The following ABCB7 variants were observed in gnomAD, a reference collection of about 807,000 sequenced individuals.
The protein encoded by ABCB7 is iron-sulfur clusters transporter ABCB7, mitochondrial.
In ABCB7, 7 loss-of-function variants were observed where a neutral mutation model predicts 54.4. The ratio of observed to expected loss-of-function variants is 0.13; its 90% CI spans 0.07 to 0.24. The LOEUF (loss-of-function observed/expected upper bound fraction) is 0.24, where lower values mean the gene tolerates loss of function less well. Among genes scored for constraint, ABCB7 ranks in the 10% least tolerant of loss-of-function variants. The pLI is 1.00. For missense variants in ABCB7, 356 were observed against 570.4 expected, an observed-to-expected ratio of 0.62 and a Z score of 3.83; for synonymous variants, 218 against 207.1, an observed-to-expected ratio of 1.05 and a Z score of -0.45.
intron 4 of ABCB7, among the ~76,000 whole-genome samples, chrX:75,082,807 T>G (rs1238814744): frequency 9.0e-6 from 1 of 111,161 alleles, no homozygotes. Context: ...GAGTAACCAC[T>G]ACAAAATTAT....
chrX:75,118,398 C>CTT (rs547804880), intron 1 of ABCB7, among the ~76,000 whole-genome samples: 32 of 98,372 alleles, frequency 3.3e-4, no homozygotes, highest in Non-Finnish European at 5.6e-4. Context: ...TTTAAAAGGC[C>CTT]TTTTTTTTTT....
rs60629909 is a variant in ABCB7, at chrX:75,146,373, G to C, written c.168+9732C>G. On this transcript the variant is annotated intron_variant, in intron 1 of 15. Coordinates refer to ENST00000373394, the MANE Select transcript of ABCB7 (RefSeq NM_001271696.3). ...ATCCAAATAGCCAAGGCAATCCTAAGAAAAAAGAATGAAGCTGGAGGTATC... is the reference window on the plus strand; with the variant it reads ...ATCCAAATAGCCAAGGCAATCCTAACAAAAAAGAATGAAGCTGGAGGTATC... Among the ~76,000 whole-genome samples the C allele has an allele frequency of 9.1e-3, 1,015 of 111,749 alleles. 18 individuals carry two copies. The highest frequency in any genetic ancestry group is 0.031 in the African/African-American group (946 of 30,798).
At chrX:75,112,838 G>T in intron 3 of ABCB7, 48 bp downstream of exon 3, 2 of 998,665 alleles carry the variant, frequency 2.0e-6, no homozygotes, top group Non-Finnish European at 2.8e-6. Flanking sequence ...TATCTTCTGT[G>T]CAAGGACAAT....
intron 4 of ABCB7, among the ~76,000 whole-genome samples, chrX:75,082,067 T>C (rs2081460131): frequency 3.6e-5 from 4 of 110,985 alleles, no homozygotes; most frequent in Admixed American, 9.6e-5. Flanking sequence ...TTTCCCAAAT[T>C]CGGCAAAAGA....
chrX:75,102,829 C>G (rs2081651303), intron 3 of ABCB7, among the ~76,000 whole-genome samples: 1 of 110,626 alleles, frequency 9.0e-6, no homozygotes, highest in Non-Finnish European at 1.9e-5. Flanking sequence ...TATTTTTTGT[C>G]TTTTTATTCA....
intron 1 of ABCB7, among the ~76,000 whole-genome samples, chrX:75,126,974 G>A (rs953673745): frequency 2.7e-5 from 3 of 111,187 alleles, no homozygotes; most frequent in Admixed American, 1.9e-4. Context: ...AATTCTACCC[G>A]AGGTACAAAG....
intron 1 of ABCB7, among the ~76,000 whole-genome samples, chrX:75,146,358 C>T (rs1227857702): frequency 2.7e-5 from 3 of 111,824 alleles, no homozygotes; most frequent in Non-Finnish European, 5.6e-5. Context: ...ATCCAAATAG[C>T]CAAGGCAATC....
In ABCB7 at chrX:75,060,009, T is replaced by C. The variant is rs147195481; in HGVS notation, c.2043+214A>G. On this transcript the variant is annotated intron_variant, in intron 15 of 15. Coordinates refer to ENST00000373394, the MANE Select transcript of ABCB7 (RefSeq NM_001271696.3). ...AGATTTAATGCTTTCCTGATTAAAC[T>C]TTTGCTTATAATACTTTAATAAAGA... Among the ~76,000 whole-genome samples the C allele has an allele frequency of 0.029, 3,215 of 112,054 alleles. 116 individuals carry two copies. The highest frequency in any genetic ancestry group is 0.1 in the African/African-American group (3,080 of 30,839).
In ABCB7 at chrX:75,069,029, C is replaced by T. The variant is rs143070182; in HGVS notation, c.1637G>A (p.Arg546Lys). ...TACCTGAGGTACCACTCCCACTGCC[C>T]TCCGAAGGCTTTCCAGGCTCACATC... ...IQDVSLESLR[R>K]AVGVVPQDAV... The change falls in exon 12 of 16, where the codon AGG becomes AAG. Residue 546 changes from arginine to lysine, a missense_variant. Physicochemically the swap from Arg to Lys is conservative, Grantham distance 26. Around this residue, in one of 2 missense-constraint regions of ABCB7, gnomAD observed 241 missense variants for 470.9 expected, o/e 0.51. Transcript: ENST00000373394. 45 of 1,208,874 alleles carry T rather than the reference C, an allele frequency of 3.7e-5. No individual in the cohort carries two copies. In the African/African-American group the frequency reaches 7.7e-4, roughly 21 times the overall value.
chrX:75,077,404 A>C (rs1452689559), intron 4 of ABCB7, among the ~76,000 whole-genome samples: 1 of 112,393 alleles, frequency 8.9e-6, no homozygotes, highest in Admixed American at 9.5e-5. Context: ...CATATATTCA[A>C]GGCAAATGTT....
chrX:75,076,297 T>A (rs911731505), intron 5 of ABCB7, among the ~76,000 whole-genome samples: 1 of 112,704 alleles, frequency 8.9e-6, no homozygotes, highest in Non-Finnish European at 1.9e-5. Context: ...TTATTTTATA[T>A]TATTGTTTTC....
chrX:75,111,904 A>G (rs2081763636), intron 3 of ABCB7, among the ~76,000 whole-genome samples: 1 of 112,038 alleles, frequency 8.9e-6, no homozygotes, highest in Non-Finnish European at 1.9e-5. Flanking sequence ...AAACTGGCAA[A>G]TATCATACCA....
At chrX:75,059,223 C>A (rs2081263461) in intron 15 of ABCB7, among the ~76,000 whole-genome samples, 1 of 110,749 alleles carries the variant, frequency 9.0e-6, no homozygotes, top group African/African-American at 3.3e-5. Flanking sequence ...CGCCTGTAAT[C>A]CCAGCGCACT....
chrX:75,085,773 T>C (rs970173673), intron 4 of ABCB7, among the ~76,000 whole-genome samples: 1 of 111,211 alleles, frequency 9.0e-6, no homozygotes, highest in Non-Finnish European at 1.9e-5. Flanking sequence ...TACAAGATTG[T>C]AATCTTGTGA....
At chrX:75,094,441 G>A (rs1219262041) in intron 4 of ABCB7, among the ~76,000 whole-genome samples, 2 of 112,019 alleles carry the variant, frequency 1.8e-5, no homozygotes, top group African/African-American at 6.5e-5. Flanking sequence ...GGCCGGGAGT[G>A]GTGGCTCATG....
At chrX:75,139,977 T>A (rs1034777827) in intron 1 of ABCB7, among the ~76,000 whole-genome samples, 1 of 111,634 alleles carries the variant, frequency 9.0e-6, no homozygotes, top group African/African-American at 3.3e-5. Flanking sequence ...TTAAGACACA[T>A]ATGACCAAAG....
At chrX:75,115,939 A>T (rs1242635447) in intron 1 of ABCB7, among the ~76,000 whole-genome samples, 2 of 111,501 alleles carry the variant, frequency 1.8e-5, no homozygotes, top group Non-Finnish European at 3.8e-5. Flanking sequence ...TTCCAACCTG[A>T]CTGCTATAGT....
intron 1 of ABCB7, among the ~76,000 whole-genome samples, chrX:75,122,497 T>C (rs1391873684): frequency 8.9e-6 from 1 of 112,842 alleles, no homozygotes; most frequent in African/African-American, 3.2e-5. Flanking sequence ...TGCAGACATC[T>C]CTTTGATATG....
chrX:75,071,156 A>G (rs1054321433), intron 9 of ABCB7, among the ~76,000 whole-genome samples: 18 of 110,636 alleles, frequency 1.6e-4, no homozygotes, highest in African/African-American at 5.9e-4. Context: ...ATTCTTAAAA[A>G]AAAGAGTGCA....
Sources: allele counts gnomAD v4.1 joint callset (sites outside exome capture counted in the v4.1 genomes callset), GRCh38; gene constraint gnomAD v4.1.1; regional missense constraint gnomAD v4.1.1; transcripts MANE v1.5; gene names NCBI Gene and HGNC (gene_info 2026-07-23, HGNC 2026-07-21).